PTPRG: variants seen among roughly 807,000 people sequenced by gnomAD.
The protein encoded by PTPRG is protein tyrosine phosphatase receptor type G.
In PTPRG, 102 loss-of-function variants were observed where a neutral mutation model predicts 165.3. The ratio of observed to expected loss-of-function variants is 0.62; its 90% CI spans 0.53 to 0.73. The LOEUF (loss-of-function observed/expected upper bound fraction) is 0.73, where lower values mean the gene tolerates loss of function less well. Ranked by LOEUF, PTPRG falls within the 30% of genes least tolerant of loss-of-function variation. PTPRG has a pLI of 0.00. For synonymous variants in PTPRG, 675 were observed against 669.5 expected (o/e 1.01, Z -0.13); for missense variants, 1,866 against 1,861.4 (o/e 1.00, Z -0.05).
At chr3:61,788,016 C>G (rs1038468646) in intron 2 of PTPRG, among the ~76,000 whole-genome samples, 17 of 152,112 alleles carry the variant, frequency 1.1e-4, no homozygotes, top group African/African-American at 4.1e-4. Context: ...TAGCAGTATT[C>G]AAAATGTTCC....
intron 4 of PTPRG, among the ~76,000 whole-genome samples, chr3:62,043,693 GGTTT>G (rs1321175020): frequency 6.6e-6 from 1 of 152,144 alleles, no homozygotes; most frequent in Non-Finnish European, 1.5e-5. Flanking sequence ...GTGAATTTAA[GGTTT>G]GTTTGTTTGT....
At chr3:61,862,832 A>G (rs1479496118) in intron 2 of PTPRG, among the ~76,000 whole-genome samples, 1 of 152,096 alleles carries the variant, frequency 6.6e-6, no homozygotes, top group African/African-American at 2.4e-5. Context: ...ATGTCAGCCT[A>G]CTTAGTATAT....
intron 28 of PTPRG, among the ~76,000 whole-genome samples, chr3:62,289,698 TC>T (rs555266393): frequency 0.17 from 18,833 of 108,246 alleles, 1,484 homozygotes; most frequent in Non-Finnish European, 0.2. Context: ...CCATTCATGA[TC>T]CCCCCCCCCC....
At chr3:61,817,895 C>T (rs547347381) in intron 2 of PTPRG, among the ~76,000 whole-genome samples, 25 of 152,156 alleles carry the variant, frequency 1.6e-4, no homozygotes, top group South Asian at 4.2e-4. Context: ...GTAAAACTTG[C>T]AAGAGGAAGA....
chr3:61,989,085 C>A (rs906276437), intron 2 of PTPRG, among the ~76,000 whole-genome samples: 2 of 152,158 alleles, frequency 1.3e-5, no homozygotes, highest in Non-Finnish European at 2.9e-5. Context: ...GAGGGCCAAA[C>A]TGAAAAATCT....
At position 62,099,425 on chromosome 3, in the gene PTPRG, C is replaced by T. The variant is rs1702215287; in HGVS notation, c.615+21167C>T. Reference sequence around the variant, plus strand: ...AGTTGTGGCCGCAAAAGTGTTGATTCCACTCTTATGATAGTGAAAATTGTT... The same window carrying T: ...AGTTGTGGCCGCAAAAGTGTTGATTTCACTCTTATGATAGTGAAAATTGTT... On this transcript the variant is annotated intron_variant, in intron 5 of 29. Coordinates refer to ENST00000474889, the MANE Select transcript of PTPRG (RefSeq NM_002841.4). Among the ~76,000 whole-genome samples the T allele has an allele frequency of 2.0e-5, 3 of 152,158 alleles. No individual in the cohort carries two copies. In the South Asian group the frequency reaches 6.2e-4, roughly 32 times the overall value.
chr3:62,124,839 T>G (rs1054446453), intron 5 of PTPRG, among the ~76,000 whole-genome samples: 5 of 152,236 alleles, frequency 3.3e-5, no homozygotes, highest in African/African-American at 1.2e-4. Context: ...ATTACAGGCA[T>G]GAGCCACTGC....
At chr3:61,824,671 C>T (rs1383278340) in intron 2 of PTPRG, among the ~76,000 whole-genome samples, 2 of 152,150 alleles carry the variant, frequency 1.3e-5, no homozygotes, top group African/African-American at 4.8e-5. Context: ...TATGGTGGCA[C>T]ATGCCTGTAC....
intron 1 of PTPRG, among the ~76,000 whole-genome samples, chr3:61,653,296 T>C (rs1177322789): frequency 6.6e-6 from 1 of 152,158 alleles, no homozygotes; most frequent in East Asian, 1.9e-4. Flanking sequence ...TTGTGAACAT[T>C]TCCCCATTTC....
At chr3:62,062,412 A>C (rs1700846706) in intron 4 of PTPRG, among the ~76,000 whole-genome samples, 1 of 152,220 alleles carries the variant, frequency 6.6e-6, no homozygotes, top group African/African-American at 2.4e-5. Context: ...ACAGGTGTTC[A>C]CAGCAAAATT....
Position 62,281,639 on chromosome 3 carries a change from G to A in PTPRG, c.3842G>A (p.Ser1281Asn). The A allele has an allele frequency of 6.2e-7, 1 of 1,601,472 alleles. No individual in the cohort carries two copies. Among genetic ancestry groups the A allele is most frequent in the African/African-American group, 1.4e-5 (1 of 72,714 alleles). ...NCEAFTVTLI[S>N]KDRLCLSNEE... ...GAGGCCTTTACCGTCACCCTTATCA[G>A]CAAAGACAGACTGTGCCTCTCTAAT... The change falls in exon 27 of 30, where the codon AGC (serine) becomes AAC (asparagine). Residue 1281 changes from serine (S) to asparagine (N), a missense_variant. Physicochemically the swap from Ser to Asn is conservative, Grantham distance 46 (BLOSUM62 1). This residue lies in a region of PTPRG where 1,452 missense variants were observed against 1,463.0 expected (regional missense o/e 0.99). Coordinates refer to ENST00000474889, the MANE Select transcript of PTPRG (RefSeq NM_002841.4).
intron 2 of PTPRG, among the ~76,000 whole-genome samples, chr3:61,983,485 G>A (rs1349931100): frequency 2.0e-5 from 3 of 152,018 alleles, no homozygotes; most frequent in African/African-American, 4.8e-5. Flanking sequence ...CACATAACAT[G>A]TATATTAGTT....
At chr3:61,735,354 T>G (rs547022336) in intron 1 of PTPRG, among the ~76,000 whole-genome samples, 1 of 152,330 alleles carries the variant, frequency 6.6e-6, no homozygotes, top group South Asian at 2.1e-4. Flanking sequence ...ATATTTCTTC[T>G]GATGATTTCT....
intron 2 of PTPRG, among the ~76,000 whole-genome samples, chr3:61,980,784 C>G (rs1451542048): frequency 6.6e-6 from 1 of 152,170 alleles, no homozygotes. Flanking sequence ...ATTTTCCTCC[C>G]TTTCTCTTGT....
intron 4 of PTPRG, among the ~76,000 whole-genome samples, chr3:62,027,061 T>C (rs1277292487): frequency 6.6e-6 from 1 of 152,140 alleles, no homozygotes; most frequent in Non-Finnish European, 1.5e-5. Context: ...AGAGTCAGTA[T>C]AGATATTCTC....
chr3:61,563,049 AT>A (rs973238670), intron 1 of PTPRG, among the ~76,000 whole-genome samples: 1 of 151,380 alleles, frequency 6.6e-6, no homozygotes, highest in Non-Finnish European at 1.5e-5. Context: ...TTTCGGAGAG[AT>A]CCGTGTCTCC....
intron 2 of PTPRG, among the ~76,000 whole-genome samples, chr3:61,885,005 C>T (rs149727535): frequency 7.6e-4 from 116 of 152,182 alleles, no homozygotes; most frequent in Middle Eastern, 6.8e-3. Context: ...ATCTGTCCTG[C>T]GTGTGCATTT....
At chr3:61,916,703 A>G (rs186791669) in intron 2 of PTPRG, among the ~76,000 whole-genome samples, 5 of 152,244 alleles carry the variant, frequency 3.3e-5, no homozygotes, top group Admixed American at 2.6e-4. Flanking sequence ...TTCAAAATCT[A>G]TTTTATCCTC....
chr3:61,853,191 GT>G (rs1283066560), intron 2 of PTPRG, among the ~76,000 whole-genome samples: 7 of 152,178 alleles, frequency 4.6e-5, no homozygotes, highest in African/African-American at 1.2e-4. Flanking sequence ...GGGAAGGGGG[GT>G]TTGAGAAAAT....
Sources: allele counts gnomAD v4.1 joint callset (sites outside exome capture counted in the v4.1 genomes callset), GRCh38; gene constraint gnomAD v4.1.1; regional missense constraint gnomAD v4.1.1; transcripts MANE v1.5; gene names NCBI Gene and HGNC (gene_info 2026-07-23, HGNC 2026-07-21).